The following ABCC8 variants were observed in gnomAD, a reference collection of about 807,000 sequenced individuals.
ABCC8 encodes ATP-binding cassette sub-family C member 8.
In ABCC8, 137 loss-of-function variants were observed where a neutral mutation model predicts 188.0. The observed-to-expected ratio is 0.73, with a 90% CI of 0.63 to 0.84. The LOEUF (loss-of-function observed/expected upper bound fraction) is 0.84, where lower values mean the gene tolerates loss of function less well. Among genes scored for constraint, ABCC8 ranks in the 40% least tolerant of loss-of-function variants. The pLI, the probability that ABCC8 is intolerant of heterozygous loss-of-function variation, is 0.00. For missense variants in ABCC8, 1,750 were observed against 2,072.7 expected, an observed-to-expected ratio of 0.84 and a Z score of 3.02; for synonymous variants, 797 against 846.5, an observed-to-expected ratio of 0.94 and a Z score of 1.01.
chr11:17,429,970 C>T (rs1163365779), intron 12 of ABCC8: 1 of 152,624 alleles, frequency 6.6e-6, no homozygotes, highest in South Asian at 2.1e-4. Flanking sequence ...TCCTTCCTTC[C>T]AGCTTCCCAG....
rs1421193502 is a variant in ABCC8, at chr11:17,404,357, T to A, written c.3557+155A>T. Reference sequence around the variant, plus strand: ...AGACTATTATATTAGGGCGGTGGAATAAGATGTGGATATTTCTATTTCCTT... The same window carrying A: ...AGACTATTATATTAGGGCGGTGGAAAAAGATGTGGATATTTCTATTTCCTT... On this transcript the variant is annotated intron_variant, in intron 28 of 38. Transcript: ENST00000389817. The surrounding 1 kb of genome is among the most constrained non-coding windows in gnomAD (Gnocchi z 4.7). Among the ~76,000 whole-genome samples, 1 of 152,174 alleles carries A rather than the reference T, an allele frequency of 6.6e-6. No individual in the cohort carries two copies. The highest frequency in any genetic ancestry group is 2.1e-4 in the South Asian group (1 of 4,828).
intron 8 of ABCC8, among the ~76,000 whole-genome samples, chr11:17,447,560 G>A (rs185207184): frequency 6.6e-6 from 1 of 152,152 alleles, no homozygotes; most frequent in Non-Finnish European, 1.5e-5. Context: ...CAGGTAGCTG[G>A]GACTAAAGGG....
chr11:17,395,977 G>A (rs1373438297), intron 33 of ABCC8, 47 bp from the exon 34 acceptor site: 1 of 1,552,702 alleles, frequency 6.4e-7, no homozygotes, highest in Non-Finnish European at 8.7e-7. Context: ...TGGGGCTGCT[G>A]GGAATAGCCT....
chr11:17,443,386 G>A (rs1482350326), intron 8 of ABCC8, 74 bp from the exon 9 acceptor site: 4 of 1,609,752 alleles, frequency 2.5e-6, no homozygotes, highest in Non-Finnish European at 3.4e-6. Flanking sequence ...CAAAATCCCT[G>A]TTTCCCCAGT....
intron 33 of ABCC8, 89 bp from the exon 34 acceptor site, chr11:17,396,019 G>C: frequency 6.5e-7 from 1 of 1,541,810 alleles, no homozygotes; most frequent in Non-Finnish European, 8.7e-7. Context: ...GTGCAGGTGT[G>C]GGAGGTCACA....
chr11:17,449,621 G>T (rs1309118551), intron 7 of ABCC8, among the ~76,000 whole-genome samples: 1 of 152,186 alleles, frequency 6.6e-6, no homozygotes, highest in Non-Finnish European at 1.5e-5. Flanking sequence ...TGCAATTTTT[G>T]GATGTGTGCT....
At chr11:17,411,902 T>C (rs1954823333) in intron 21 of ABCC8, among the ~76,000 whole-genome samples, 1 of 151,110 alleles carries the variant, frequency 6.6e-6, no homozygotes, top group Non-Finnish European at 1.5e-5. Context: ...TTTTTTTTTT[T>C]TTTTTTTTTG....
intron 18 of ABCC8, 25 bp from the exon 19 acceptor site, chr11:17,414,635 G>A: frequency 3.1e-6 from 5 of 1,613,862 alleles, no homozygotes; most frequent in African/African-American, 1.3e-5. Context: ...GCGGGAGTAG[G>A]GGGTGCGGAA....
In ABCC8 at chr11:17,410,581, G is replaced by C. The variant is rs752953495; in HGVS notation, c.2629C>G (p.Arg877Gly). The C allele has an allele frequency of 6.2e-7, 1 of 1,614,102 alleles. No individual in the cohort carries two copies. Among genetic ancestry groups the C allele is most frequent in the Admixed American group, 1.7e-5 (1 of 60,014 alleles). ...LMQAGILELL[R>G]DDKRTVVLVT... ...AAGACCACTGTCCTCTTGTCGTCCC[G>C]GAGCAGCTCAAGGATGCCGGCCTGC... Residue 877 changes from arginine to glycine, a missense_variant, in exon 22 of 39, where the codon CGG (arginine) becomes GGG (glycine). Transcript: ENST00000389817.
intron 10 of ABCC8, among the ~76,000 whole-genome samples, chr11:17,440,219 C>A (rs1041136295): frequency 8.5e-5 from 13 of 152,184 alleles, no homozygotes; most frequent in African/African-American, 3.1e-4. Context: ...CTCTACCCCA[C>A]CCTGTTGTTC....
chr11:17,396,029 A>G, intron 33 of ABCC8, 99 bp from the exon 34 acceptor site: 1 of 1,536,710 alleles, frequency 6.5e-7, no homozygotes, highest in Non-Finnish European at 8.8e-7. Flanking sequence ...GGGAGGTCAC[A>G]GGGTATCTTT....
intron 16 of ABCC8, among the ~76,000 whole-genome samples, chr11:17,424,257 C>A (rs186956950): frequency 2.5e-4 from 38 of 152,200 alleles, no homozygotes; most frequent in African/African-American, 8.9e-4. Flanking sequence ...CAGCAAAGCA[C>A]CATGGCACAT....
chr11:17,461,203 G>T (rs1957176133), intron 5 of ABCC8: 1 of 365,884 alleles, frequency 2.7e-6, no homozygotes, highest in Non-Finnish European at 5.2e-6. Flanking sequence ...ATAAGGATCA[G>T]GCCACTAACA....
intron 8 of ABCC8, among the ~76,000 whole-genome samples, chr11:17,446,439 T>C (rs1956534362): frequency 6.6e-6 from 1 of 151,530 alleles, no homozygotes. Context: ...TCATTTTTCA[T>C]GTTTCAAAAA....
chr11:17,397,683 C>T lies in ABCC8; in HGVS notation c.3867+1G>A. On this transcript the variant is annotated splice_donor_variant, in intron 31 of 38. Coordinates refer to ENST00000389817, the MANE Select transcript of ABCC8 (RefSeq NM_000352.6). LOFTEE classifies it high-confidence loss of function. ...CTCTGCCCTAGCCCACTGCCGCTCA[C>T]CATTAGGGCGTAGGTAAGGCCCAGG... The T allele has an allele frequency of 6.2e-7, 1 of 1,612,074 alleles. No homozygotes were observed. Among genetic ancestry groups the T allele is most frequent in the Non-Finnish European group, 8.5e-7 (1 of 1,179,974 alleles).
At position 17,404,802 on chromosome 11, in the gene ABCC8, C is replaced by A; in HGVS notation, c.3400-133G>T. On this transcript the variant is annotated intron_variant, in intron 27 of 38. Transcript: ENST00000389817. The surrounding 1 kb of genome is among the most constrained non-coding windows in gnomAD (Gnocchi z 4.7). ...TTTTTGAGACTGAGTCTCACTGTTGCCCAGACTTGAGTGCAGCAGCGTAAT... is the reference window on the plus strand; with the variant it reads ...TTTTTGAGACTGAGTCTCACTGTTGACCAGACTTGAGTGCAGCAGCGTAAT... 7.2e-7 allele frequency: 1 copy of A among 1,389,228 alleles called. No individual in the cohort carries two copies. The highest frequency in any genetic ancestry group is 9.8e-7 in the Non-Finnish European group (1 of 1,018,278). The allele number at this position is 1,389,228 out of a possible 1,614,324, so 86.1% of individuals were successfully genotyped here.
intron 16 of ABCC8, among the ~76,000 whole-genome samples, chr11:17,425,017 G>A (rs1442815640): frequency 1.3e-5 from 2 of 152,240 alleles, no homozygotes; most frequent in Non-Finnish European, 2.9e-5. Flanking sequence ...TCAGCTCACA[G>A]TGCACTGGGG....
At position 17,427,015 on chromosome 11, in the gene ABCC8, C is replaced by T. The variant is rs1235430140; in HGVS notation, c.2222+34G>A. On this transcript the variant is annotated intron_variant, in intron 16 of 38. Transcript: ENST00000389817. This position sits in a 1 kb window ranked among gnomAD's most constrained non-coding sequence, Gnocchi z 5.0. ...GAGGAGGATGGTTAAAAGGAGATTT[C>T]CCCTCCACTGGGCCCTGAGGATACA... 5 of 1,609,522 alleles carry T rather than the reference C, an allele frequency of 3.1e-6. No homozygotes were observed. Among genetic ancestry groups the T allele is most frequent in the Admixed American group, 1.7e-5 (1 of 59,536 alleles).
chr11:17,406,783 G>A lies in ABCC8; in HGVS notation c.3168C>T (p.Cys1056=), dbSNP rs1799860. The stretch of plus-strand genomic sequence containing the variant: ...TGGCATAGACAGTCTGGTCGAGGGT[G>A]CACTCCTTCACAGGCAGAGAGTGAT... ...AARNCSLSQE[C]TLDQTVYAMV... Residue 1056 remains cysteine, a synonymous_variant, in exon 26 of 39, where the codon TGC becomes TGT. Transcript: ENST00000389817. The A allele has an allele frequency of 5.6e-6, 9 of 1,614,254 alleles. No homozygotes were observed. Among genetic ancestry groups the A allele is most frequent in the African/African-American group, 1.3e-5 (1 of 75,074 alleles).
Sources: gnomAD v4.1 joint callset for allele counts (sites outside exome capture counted in the v4.1 genomes callset) on GRCh38, gnomAD v4.1.1 for gene constraint, Gnocchi (gnomAD v3.1) non-coding constraint, MANE v1.5 for transcripts, NCBI Gene and HGNC (gene_info 2026-07-23, HGNC 2026-07-21) for gene names.